Variants in CCDC30 observed in about 807,000 individuals in gnomAD.
The protein encoded by CCDC30 is coiled-coil domain containing 30.
Under a neutral mutation model 100.2 loss-of-function variants are expected in CCDC30, and 70 were observed. That is an observed-to-expected ratio of 0.70 (90% CI 0.58 to 0.85). The LOEUF is 0.85. Among genes scored for constraint, CCDC30 ranks in the 40% least tolerant of loss-of-function variants. CCDC30 has a pLI of 0.00. For synonymous variants in CCDC30, 233 were observed against 269.5 expected (o/e 0.86, Z 1.33); for missense variants, 652 against 771.2 (o/e 0.85, Z 1.83).
chr1:42,642,848 A>T (rs1647574416), intron 13 of CCDC30, among the ~76,000 whole-genome samples: 1 of 152,198 alleles, frequency 6.6e-6, no homozygotes, highest in Non-Finnish European at 1.5e-5. Flanking sequence ...TCATTGCCTC[A>T]CTGAGGACTT....
chr1:42,619,963 T>C (rs968198952), intron 11 of CCDC30, among the ~76,000 whole-genome samples: 6 of 152,250 alleles, frequency 3.9e-5, no homozygotes, highest in Middle Eastern at 3.2e-3. Flanking sequence ...AGTTCTTCCA[T>C]ACCAGTTTAA....
chr1:42,612,365 T>C (rs1172472076), intron 11 of CCDC30, among the ~76,000 whole-genome samples: 1 of 152,120 alleles, frequency 6.6e-6, no homozygotes, highest in African/African-American at 2.4e-5. Context: ...TTAGAGCCCA[T>C]GTGTGTTTCA....
At chr1:42,493,926 C>T (rs920595998) in intron 4 of CCDC30, among the ~76,000 whole-genome samples, 3 of 151,850 alleles carry the variant, frequency 2.0e-5, no homozygotes, top group Non-Finnish European at 2.9e-5. Context: ...TAAAAACCTT[C>T]CCATGGGCTG....
intron 11 of CCDC30, among the ~76,000 whole-genome samples, chr1:42,626,640 T>A (rs1014554142): frequency 4.6e-5 from 7 of 152,178 alleles, no homozygotes; most frequent in African/African-American, 1.7e-4. Context: ...CCACATGTTG[T>A]GGGAGGGACC....
intron 12 of CCDC30, 112 bp from the exon 17 acceptor site, chr1:42,642,361 A>G (rs1647526981): frequency 2.3e-6 from 2 of 862,056 alleles, no homozygotes; most frequent in Non-Finnish European, 3.3e-6. Context: ...AGGGGACAGG[A>G]AAAAAAAAGT....
chr1:42,604,811 C>T (rs940225629), intron 10 of CCDC30, among the ~76,000 whole-genome samples: 5 of 152,156 alleles, frequency 3.3e-5, no homozygotes, highest in South Asian at 2.1e-4. Flanking sequence ...CTGGCATGCT[C>T]ATCATTCAAA....
the CCDC30 span, chr1:42,457,593 T>C: frequency 1.9e-6 from 1 of 524,732 alleles, no homozygotes; most frequent in Non-Finnish European, 3.4e-6. Flanking sequence ...AGTCAGATCA[T>C]GGGGCGAGTG....
chr1:42,514,392 C>T (rs1206331386), intron 6 of CCDC30, among the ~76,000 whole-genome samples: 1 of 152,160 alleles, frequency 6.6e-6, no homozygotes, highest in Non-Finnish European at 1.5e-5. Flanking sequence ...TTCTCCATAT[C>T]TTCTCCAACA....
intron 12 of CCDC30, among the ~76,000 whole-genome samples, chr1:42,638,466 AC>A (rs1305786411): frequency 6.6e-6 from 1 of 151,986 alleles, no homozygotes; most frequent in Non-Finnish European, 1.5e-5. Context: ...AATTTTTCAA[AC>A]TTTTAGAGAC....
chr1:42,631,811 G>A (rs1647043619), intron 11 of CCDC30, among the ~76,000 whole-genome samples: 1 of 152,000 alleles, frequency 6.6e-6, no homozygotes, highest in South Asian at 2.1e-4. Context: ...TTCCCTTAAG[G>A]CCCAGTGTCT....
At chr1:42,545,365 A>G in intron 6 of CCDC30, 45 bp from the exon 9 acceptor site, 1 of 1,464,106 alleles carries the variant, frequency 6.8e-7, no homozygotes, top group South Asian at 1.4e-5. Flanking sequence ...AGCTATAAAT[A>G]AAAGTATGCA....
intron 6 of CCDC30, among the ~76,000 whole-genome samples, chr1:42,509,866 C>T (rs1380375064): frequency 2.6e-5 from 4 of 151,920 alleles, no homozygotes; most frequent in African/African-American, 9.7e-5. Context: ...AGCCAAAAGC[C>T]CACTGGTTAA....
intron 11 of CCDC30, among the ~76,000 whole-genome samples, chr1:42,632,327 C>G (rs1280847911): frequency 2.0e-5 from 3 of 152,026 alleles, no homozygotes; most frequent in African/African-American, 7.3e-5. Context: ...TTGAGGTGGG[C>G]GTGGTGGTAC....
At chr1:42,542,971 T>C (rs1645046118) in intron 6 of CCDC30, 1 of 153,120 alleles carries the variant, frequency 6.5e-6, no homozygotes, top group Non-Finnish European at 1.5e-5. Flanking sequence ...ACCACAAAGA[T>C]TAGTGATTAA....
intron 6 of CCDC30, among the ~76,000 whole-genome samples, chr1:42,507,513 T>C (rs931819867): frequency 1.3e-5 from 2 of 152,218 alleles, no homozygotes; most frequent in African/African-American, 4.8e-5. Flanking sequence ...TTTAAGACAA[T>C]TCTTTATGAC....
chr1:42,556,436 G>A (rs1197233704), intron 6 of CCDC30, 31 bp downstream of exon 10: 1 of 1,548,246 alleles, frequency 6.5e-7, no homozygotes, highest in Admixed American at 2.1e-5. Flanking sequence ...CCCTGACTGG[G>A]TTCGTTTCCT....
At chr1:42,462,258 G>A (rs554036623), upstream of CCDC30, among the ~76,000 whole-genome samples, 1 of 152,214 alleles carries the variant, frequency 6.6e-6, no homozygotes, top group Admixed American at 6.5e-5. Context: ...ATAGCAAATG[G>A]AAGTGTATAA....
intron 11 of CCDC30, among the ~76,000 whole-genome samples, chr1:42,615,727 G>A (rs886662622): frequency 7.9e-5 from 12 of 152,202 alleles, no homozygotes; most frequent in African/African-American, 2.9e-4. Context: ...GTGGACCAAA[G>A]TGAAGCCTGA....
chr1:42,637,499 T>C (rs1162638059), intron 12 of CCDC30, 121 bp downstream of exon 16: 4 of 886,676 alleles, frequency 4.5e-6, no homozygotes, highest in Non-Finnish European at 5.2e-6. Context: ...TTCATTTCTT[T>C]TCTTTGCACC....
Sources: allele counts gnomAD v4.1 joint callset (sites outside exome capture counted in the v4.1 genomes callset), GRCh38; gene constraint gnomAD v4.1.1; transcripts MANE v1.5; gene names NCBI Gene and HGNC (gene_info 2026-07-23, HGNC 2026-07-21).